Variants in PRKD1 observed in about 807,000 individuals in gnomAD.
PRKD1 encodes the protein serine/threonine-protein kinase D1.
Under a neutral mutation model 95.9 loss-of-function variants are expected in PRKD1, and 63 were observed. That is an observed-to-expected ratio of 0.66 (90% CI 0.54 to 0.81). PRKD1 has a LOEUF of 0.81. Ranked by LOEUF, PRKD1 falls within the 30% of genes least tolerant of loss-of-function variation. The pLI is 0.00. For missense variants in PRKD1, 1,048 were observed against 1,165.3 expected, an observed-to-expected ratio of 0.90 and a Z score of 1.47; for synonymous variants, 425 against 423.1, an observed-to-expected ratio of 1.00 and a Z score of -0.05.
chr14:29,590,560 C>T (rs1337549152), intron 16 of PRKD1, among the ~76,000 whole-genome samples: 2 of 152,032 alleles, frequency 1.3e-5, no homozygotes, highest in Admixed American at 6.6e-5. Flanking sequence ...GTAGAAGTTT[C>T]GTTATGCATA....
intron 1 of PRKD1, among the ~76,000 whole-genome samples, chr14:29,792,044 C>G (rs1479571675): frequency 1.3e-5 from 2 of 152,018 alleles, no homozygotes; most frequent in African/African-American, 2.4e-5. Context: ...TTCAGGTGTA[C>G]TTAATTGATT....
chr14:29,752,670 T>A (rs939069351), intron 1 of PRKD1, among the ~76,000 whole-genome samples: 1 of 151,902 alleles, frequency 6.6e-6, no homozygotes, highest in Admixed American at 6.6e-5. Flanking sequence ...TAAGAACCCA[T>A]GAGGGCATCA....
At chr14:29,579,695 T>C (rs182232531) in intron 16 of PRKD1, among the ~76,000 whole-genome samples, 2 of 152,274 alleles carry the variant, frequency 1.3e-5, no homozygotes, top group Admixed American at 6.5e-5. Flanking sequence ...CATATCTCTA[T>C]GGAGCTAATG....
intron 2 of PRKD1, among the ~76,000 whole-genome samples, chr14:29,708,152 C>T (rs553391199): frequency 2.0e-4 from 31 of 152,098 alleles, no homozygotes; most frequent in South Asian, 4.2e-4. Flanking sequence ...GATAAGATGA[C>T]ATTAGGAAGG....
At chr14:29,858,563 A>C (rs1892591900) in intron 1 of PRKD1, among the ~76,000 whole-genome samples, 3 of 152,122 alleles carry the variant, frequency 2.0e-5, no homozygotes, top group Admixed American at 2.0e-4. Flanking sequence ...TGCCCTATGG[A>C]TCACTTCGAA....
At chr14:29,673,993 T>C (rs371431181) in intron 2 of PRKD1, among the ~76,000 whole-genome samples, 1 of 152,130 alleles carries the variant, frequency 6.6e-6, no homozygotes, top group African/African-American at 2.4e-5. Context: ...GGGCTTCGTG[T>C]GATGCATCTC....
chr14:29,764,806 T>A (rs1420185425), intron 1 of PRKD1, among the ~76,000 whole-genome samples: 2 of 152,220 alleles, frequency 1.3e-5, no homozygotes, highest in Non-Finnish European at 2.9e-5. Flanking sequence ...AGCAACTGCA[T>A]TTGCCAATTC....
chr14:29,702,594 T>A (rs553904745), intron 2 of PRKD1, among the ~76,000 whole-genome samples: 1 of 152,182 alleles, frequency 6.6e-6, no homozygotes, highest in African/African-American at 2.4e-5. Flanking sequence ...TTTGCAATAA[T>A]ACATTTATGG....
chr14:29,588,513 T>C (rs528806658), intron 16 of PRKD1, among the ~76,000 whole-genome samples: 2 of 152,312 alleles, frequency 1.3e-5, no homozygotes, highest in African/African-American at 4.8e-5. Context: ...TATATTATGA[T>C]AGCCATTCTA....
intron 13 of PRKD1, among the ~76,000 whole-genome samples, chr14:29,602,745 G>A (rs1045624460): frequency 8.5e-5 from 13 of 152,188 alleles, no homozygotes; most frequent in African/African-American, 2.9e-4. Flanking sequence ...TGAGTTCTTA[G>A]AGGTACTAAA....
intron 1 of PRKD1, among the ~76,000 whole-genome samples, chr14:29,762,355 C>T (rs1027597395): frequency 1.3e-5 from 2 of 152,140 alleles, no homozygotes; most frequent in African/African-American, 4.8e-5. Flanking sequence ...CCAGCCACCA[C>T]TCTGCATGAA....
At chr14:29,872,604 C>T (rs1305532143) in intron 1 of PRKD1, among the ~76,000 whole-genome samples, 2 of 150,000 alleles carry the variant, frequency 1.3e-5, no homozygotes, top group African/African-American at 4.9e-5. Context: ...TGCAGTGAGC[C>T]GAGATCAAGC....
At chr14:29,758,833 C>T (rs1395182322) in intron 1 of PRKD1, among the ~76,000 whole-genome samples, 1 of 152,184 alleles carries the variant, frequency 6.6e-6, no homozygotes, top group African/African-American at 2.4e-5. Context: ...GGAGAACATG[C>T]AAATTTTGGA....
chr14:29,853,885 GCTCT>G (rs1260706889), intron 1 of PRKD1, among the ~76,000 whole-genome samples: 6 of 151,944 alleles, frequency 3.9e-5, no homozygotes, highest in African/African-American at 1.4e-4. Context: ...CCCTGCACAA[GCTCT>G]CTCTCTCTGC....
intron 1 of PRKD1, among the ~76,000 whole-genome samples, chr14:29,870,746 G>C (rs886442897): frequency 3.3e-4 from 50 of 151,998 alleles, no homozygotes; most frequent in Non-Finnish European, 6.8e-4. Context: ...CTATTATATG[G>C]TTATAAATGA....
chr14:29,622,855 G>A, intron 13 of PRKD1, among the ~76,000 whole-genome samples: 1 of 152,162 alleles, frequency 6.6e-6, no homozygotes. Context: ...ATGTAACCAT[G>A]TTAACCATGA....
chr14:29,751,852 T>G (rs1012876041), intron 1 of PRKD1, among the ~76,000 whole-genome samples: 1 of 152,232 alleles, frequency 6.6e-6, no homozygotes, highest in East Asian at 1.9e-4. Flanking sequence ...ATTAGGTTTG[T>G]TTCTCTTGCT....
intron 1 of PRKD1, among the ~76,000 whole-genome samples, chr14:29,877,017 T>C (rs1043660470): frequency 6.6e-6 from 1 of 152,050 alleles, no homozygotes; most frequent in Non-Finnish European, 1.5e-5. Flanking sequence ...ACAGGTGTGG[T>C]GGTGTGTGCC....
At chr14:29,837,542 C>A (rs970738138) in intron 1 of PRKD1, among the ~76,000 whole-genome samples, 1 of 152,048 alleles carries the variant, frequency 6.6e-6, no homozygotes, top group African/African-American at 2.4e-5. Context: ...TCAAGAAAGA[C>A]AAATTAGGAT....
Sources: allele counts gnomAD v4.1 joint callset (sites outside exome capture counted in the v4.1 genomes callset), GRCh38; gene constraint gnomAD v4.1.1; transcripts MANE v1.5; gene names NCBI Gene and HGNC (gene_info 2026-07-23, HGNC 2026-07-21).